The following GRM7 variants were observed in gnomAD, a reference collection of about 807,000 sequenced individuals.
The protein encoded by GRM7 is metabotropic glutamate receptor 7.
In GRM7, 35 loss-of-function variants were observed where a neutral mutation model predicts 84.5. That is an observed-to-expected ratio of 0.41 (90% CI 0.32 to 0.55). The LOEUF is 0.55. Among genes scored for constraint, GRM7 ranks in the 20% least tolerant of loss-of-function variants. The pLI is 0.19. For missense variants in GRM7, 1,003 were observed against 1,194.6 expected (o/e 0.84, Z 2.36); for synonymous variants, 487 against 455.1 (o/e 1.07, Z -0.89).
chr3:7,458,425 G>T (rs1205849897), intron 6 of GRM7, among the ~76,000 whole-genome samples: 1 of 152,118 alleles, frequency 6.6e-6, no homozygotes, highest in Non-Finnish European at 1.5e-5. Flanking sequence ...AGAAGTTCAT[G>T]GATGCTGTTA....
intron 1 of GRM7, among the ~76,000 whole-genome samples, chr3:6,909,357 C>A (rs917391910): frequency 6.6e-6 from 1 of 152,122 alleles, no homozygotes; most frequent in Non-Finnish European, 1.5e-5. Context: ...CTATCCCTCA[C>A]GTGTATAATA....
chr3:7,636,379 G>T, intron 8 of GRM7: 1 of 449,688 alleles, frequency 2.2e-6, no homozygotes. Context: ...AGCATCTAAT[G>T]GTGCCTGGAC....
chr3:7,253,912 G>A lies in GRM7; in HGVS notation c.737-44772G>A, dbSNP rs139098904. ...CCCCTTTCCCGGGTCCTTGACAGAA[G>A]AGTTAGTGCTGCCGAGTGTAAGGAG... On this transcript the variant is annotated intron_variant, in intron 2 of 9. Coordinates refer to ENST00000357716, the MANE Select transcript of GRM7 (RefSeq NM_000844.4). 1.3e-3 allele frequency among the ~76,000 whole-genome samples: 191 copies of A among 152,298 alleles called. 1 individual carries two copies. Among genetic ancestry groups the A allele is most frequent in the African/African-American group, 4.4e-3 (181 of 41,570 alleles).
intron 2 of GRM7, among the ~76,000 whole-genome samples, chr3:7,223,731 T>C (rs983271130): frequency 4.6e-5 from 7 of 152,222 alleles, no homozygotes; most frequent in African/African-American, 1.7e-4. Flanking sequence ...AAAATTATCT[T>C]AAAATCTCAA....
At chr3:7,149,527 C>A (rs1694212936) in intron 2 of GRM7, among the ~76,000 whole-genome samples, 1 of 152,086 alleles carries the variant, frequency 6.6e-6, no homozygotes, top group African/African-American at 2.4e-5. Flanking sequence ...TATGTGTTCA[C>A]TTTTTTCTTT....
intron 1 of GRM7, among the ~76,000 whole-genome samples, chr3:7,036,428 T>G (rs1696386923): frequency 6.6e-6 from 1 of 152,006 alleles, no homozygotes; most frequent in Non-Finnish European, 1.5e-5. Flanking sequence ...ATTTTGAAAA[T>G]GGAGAAAGAT....
intron 2 of GRM7, among the ~76,000 whole-genome samples, chr3:7,267,984 G>T (rs996941547): frequency 6.6e-6 from 1 of 151,938 alleles, no homozygotes; most frequent in Non-Finnish European, 1.5e-5. Flanking sequence ...AGAAAGAAAC[G>T]CACCTTGCTG....
chr3:7,313,185 C>T (rs950628713), intron 4 of GRM7, among the ~76,000 whole-genome samples: 2 of 151,892 alleles, frequency 1.3e-5, no homozygotes, highest in East Asian at 1.9e-4. Flanking sequence ...CTCCTCAGCC[C>T]CCCAAAGTGC....
chr3:7,484,214 C>T (rs76041903), intron 7 of GRM7, among the ~76,000 whole-genome samples: 8,490 of 152,152 alleles, frequency 0.056, 809 homozygotes, highest in African/African-American at 0.19. Flanking sequence ...CTGATACATA[C>T]GTGGGTTTGT....
intron 8 of GRM7, among the ~76,000 whole-genome samples, chr3:7,588,064 T>G (rs560115813): frequency 6.6e-6 from 1 of 152,186 alleles, no homozygotes; most frequent in African/African-American, 2.4e-5. Context: ...GGAATGAGAC[T>G]GCAACACCAT....
intron 2 of GRM7, among the ~76,000 whole-genome samples, chr3:7,226,415 G>C (rs1696983345): frequency 6.6e-6 from 1 of 152,106 alleles, no homozygotes; most frequent in South Asian, 2.1e-4. Context: ...AGGTTTTGTA[G>C]GTCCTAGAGG....
intron 1 of GRM7, among the ~76,000 whole-genome samples, chr3:6,938,917 G>T (rs371275727): frequency 6.6e-6 from 1 of 152,190 alleles, no homozygotes; most frequent in East Asian, 1.9e-4. Context: ...TAAAATGCCT[G>T]TTAAGGCACT....
intron 1 of GRM7, among the ~76,000 whole-genome samples, chr3:7,075,496 A>ACGTGTGTGTGTGTGTG (rs1491399036): frequency 1.6e-4 from 22 of 138,578 alleles, no homozygotes; most frequent in African/African-American, 5.9e-4. Flanking sequence ...TGCTTCTCAG[A>ACGTGTGTGTGTGTGTG]TGTGTGTGTG....
At chr3:7,694,181 C>T (rs1380924368) in intron 9 of GRM7, among the ~76,000 whole-genome samples, 2 of 152,122 alleles carry the variant, frequency 1.3e-5, no homozygotes, top group Non-Finnish European at 2.9e-5. Context: ...TAGAAAAGAT[C>T]ATCTCTCTGT....
chr3:6,888,707 C>T (rs1238132833), intron 1 of GRM7, among the ~76,000 whole-genome samples: 28 of 152,086 alleles, frequency 1.8e-4, no homozygotes, highest in African/African-American at 4.3e-4. Flanking sequence ...ATTGACTTGG[C>T]GATGCGGGCT....
chr3:7,452,908 A>G (rs1041573031), intron 6 of GRM7, 101 bp downstream of exon 6: 5 of 722,640 alleles, frequency 6.9e-6, no homozygotes, highest in Non-Finnish European at 9.3e-6. Context: ...ATATGTGTCA[A>G]AACTTGCTTG....
intron 1 of GRM7, among the ~76,000 whole-genome samples, chr3:6,889,136 G>A (rs62235366): frequency 0.073 from 11,162 of 152,198 alleles, 559 homozygotes; most frequent in Non-Finnish European, 0.11. Context: ...TTTGGGCTGA[G>A]ACAATGGGGT....
At chr3:7,285,566 C>T (rs895311272) in intron 2 of GRM7, among the ~76,000 whole-genome samples, 1 of 152,118 alleles carries the variant, frequency 6.6e-6, no homozygotes, top group African/African-American at 2.4e-5. Flanking sequence ...AACAGAGGAA[C>T]TCCAGACTGG....
intron 4 of GRM7, among the ~76,000 whole-genome samples, chr3:7,410,417 A>T (rs563378299): frequency 6.6e-6 from 1 of 152,038 alleles, no homozygotes; most frequent in African/African-American, 2.4e-5. Flanking sequence ...CAAAAAAAAT[A>T]CAAAAATTAT....
Sources: gnomAD v4.1 joint callset for allele counts (sites outside exome capture counted in the v4.1 genomes callset) on GRCh38, gnomAD v4.1.1 for gene constraint, MANE v1.5 for transcripts, NCBI Gene and HGNC (gene_info 2026-07-23, HGNC 2026-07-21) for gene names.